The following ABCC10 variants were observed in gnomAD, a reference collection of about 807,000 sequenced individuals.
ABCC10 encodes ATP-binding cassette sub-family C member 10.
Under a neutral mutation model 143.2 loss-of-function variants are expected in ABCC10, and 110 were observed. That is an observed-to-expected ratio of 0.77 (90% CI 0.66 to 0.90). The LOEUF is 0.90. Among genes scored for constraint, ABCC10 ranks in the 40% least tolerant of loss-of-function variants. ABCC10 has a pLI of 0.00. For missense variants in ABCC10, 1,700 were observed against 1,900.5 expected (o/e 0.89, Z 1.96); for synonymous variants, 805 against 846.7 (o/e 0.95, Z 0.85).
rs774199476 is a variant in ABCC10 at position 43,444,157 on chromosome 6, A to G, written c.2495-2A>G. The G allele has an allele frequency of 3.1e-6, 5 of 1,611,374 alleles. No individual in the cohort carries two copies. The South Asian group carries it at 4.4e-5, about 14-fold the overall frequency. ...TTCTTCCATGACCCCTGATTCTCAC[A>G]GCCACAGCCCAGTCAGTACAGAACC... On this transcript the variant is annotated splice_acceptor_variant, in intron 11 of 21. Coordinates refer to ENST00000372530, the MANE Select transcript of ABCC10 (RefSeq NM_001198934.2). LOFTEE classifies it high-confidence loss of function.
In ABCC10 at chr6:43,447,707, G is replaced by A. The variant is rs1783258650; in HGVS notation, c.3729G>A (p.Gln1243=). 1 of 1,613,928 alleles carries A rather than the reference G, an allele frequency of 6.2e-7. No individual in the cohort carries two copies. The highest frequency in any genetic ancestry group is 1.7e-5 in the Admixed American group (1 of 60,004). The change falls in exon 18 of 22, where the codon CAG becomes CAA. Residue 1243 remains glutamine (Q), a synonymous_variant. Transcript: ENST00000372530. ...AGCTGGGCACCGGCTGGCTGACCCAGGGGGGCGTGGAGTTCCAGGACGTGG... is the reference window on the plus strand; with the variant it reads ...AGCTGGGCACCGGCTGGCTGACCCAAGGGGGCGTGGAGTTCCAGGACGTGG... The part of the protein sequence containing the change: ...PLQLGTGWLT[Q]GGVEFQDVVL...
Position 43,445,793 on chromosome 6 carries a change from C to T in ABCC10, c.3225C>T (p.Ser1075=). The change falls in exon 15 of 22, where the codon AGC becomes AGT. Residue 1075 remains serine (S), a synonymous_variant. Coordinates refer to ENST00000372530, the MANE Select transcript of ABCC10 (RefSeq NM_001198934.2). Reference sequence around the variant, plus strand: ...TGCTGCTCCTGCTGCCGCCTTTGAGCATCATGTACTATCACGTGCAGCGCC... The same window carrying T: ...TGCTGCTCCTGCTGCCGCCTTTGAGTATCATGTACTATCACGTGCAGCGCC... ...PWLLLLLPPL[S]IMYYHVQRHY... is the part of the protein sequence containing the mutation. 6.2e-7 allele frequency: 1 copy of T among 1,614,124 alleles called. No individual in the cohort carries two copies. Among genetic ancestry groups the T allele is most frequent in the Non-Finnish European group, 8.5e-7 (1 of 1,180,034 alleles).
At chr6:43,434,918 CT>C (rs1781524032) in intron 4 of ABCC10, 70 bp downstream of exon 4, 1 of 1,508,810 alleles carries the variant, frequency 6.6e-7, no homozygotes, top group African/African-American at 1.4e-5. Flanking sequence ...GGCTTGGGCC[CT>C]CAGTGCTGGC....
chr6:43,434,873 C>G (rs1781513709), intron 4 of ABCC10, 25 bp downstream of exon 4: 1 of 1,606,120 alleles, frequency 6.2e-7, no homozygotes, highest in Non-Finnish European at 8.5e-7. Context: ...GGAAGGGGAC[C>G]AGCATCAAGG....
chr6:43,444,637 A>AG, intron 12 of ABCC10, 151 bp from the exon 13 acceptor site: 1 of 1,155,876 alleles, frequency 8.7e-7, no homozygotes, highest in Non-Finnish European at 1.2e-6. Context: ...CACACTAGGG[A>AG]GGATATGGGG....
chr6:43,448,933 C>A lies in ABCC10; in HGVS notation c.4012C>A (p.Arg1338=), dbSNP rs199697720. ...QEPFLFSGTV[R]ENLDPQGLHK... is the part of the protein sequence containing the mutation. ...GCCCTTTTTGTTCAGTGGGACTGTT[C>A]GGGAAAACCTGGACCCCCAGGGCCT... is the stretch of plus-strand genomic sequence containing the variant. Residue 1338 remains arginine (R), a synonymous_variant, in exon 19 of 22, where the codon CGG becomes AGG. Coordinates refer to ENST00000372530, the MANE Select transcript of ABCC10 (RefSeq NM_001198934.2). 4.3e-6 allele frequency: 7 copies of A among 1,614,142 alleles called. No individual in the cohort carries two copies. Among genetic ancestry groups the A allele is most frequent in the Non-Finnish European group, 5.9e-6 (7 of 1,179,998 alleles).
chr6:43,435,540 A>G (rs973272610), intron 4 of ABCC10, among the ~76,000 whole-genome samples: 8 of 152,096 alleles, frequency 5.3e-5, no homozygotes, highest in Non-Finnish European at 1.2e-4. Context: ...AAGAAAAAAA[A>G]AAATGCAACC....
At position 43,444,772 on chromosome 6, in the gene ABCC10, T is replaced by C; in HGVS notation, c.2690-16T>C. The stretch of plus-strand genomic sequence containing the variant: ...GAGGAGCCTCTTACAGCTTTTTCCT[T>C]CCTGTCCCCACCCAGCCACGCGGAA... On this transcript the variant is annotated splice_polypyrimidine_tract_variant and intron_variant, in intron 12 of 21. Coordinates refer to ENST00000372530, the MANE Select transcript of ABCC10 (RefSeq NM_001198934.2). 6.4e-7 allele frequency: 1 copy of C among 1,571,600 alleles called. No individual in the cohort carries two copies. The highest frequency in any genetic ancestry group is 8.6e-7 in the Non-Finnish European group (1 of 1,160,978).
intron 16 of ABCC10, 43 bp from the exon 17 acceptor site, chr6:43,447,205 C>T (rs115161339): frequency 5.6e-6 from 9 of 1,594,262 alleles, no homozygotes; most frequent in African/African-American, 5.4e-5. Flanking sequence ...ACAAACGTCC[C>T]GGTGTCCAAG....
downstream of ABCC10, chr6:43,451,909 C>G (rs1240237968): frequency 6.2e-7 from 1 of 1,612,814 alleles, no homozygotes; most frequent in South Asian, 1.1e-5. This position sits in a 1 kb window ranked among gnomAD's most constrained non-coding sequence, Gnocchi z 4.4. Flanking sequence ...CTGGTCTAAC[C>G]TTCCACTCAC....
chr6:43,435,815 TCAATGGTCTCCTGGAGG>T lies in ABCC10; in HGVS notation c.1675_1691del (p.Asn559GlnfsTer127). Reference sequence around the variant, plus strand: ...CCTCTCAACAACTTCCCTTGGGTGATCAATGGTCTCCTGGAGGCCAAAGTGTCCTTGGACCGGATCCA... The same window carrying T: ...CCTCTCAACAACTTCCCTTGGGTGATCCAAAGTGTCCTTGGACCGGATCCA... On this transcript the variant is annotated frameshift_variant, in exon 5 of 22. Coordinates refer to ENST00000372530, the MANE Select transcript of ABCC10 (RefSeq NM_001198934.2). LOFTEE classifies it high-confidence loss of function. 1 of 1,614,170 alleles carries T rather than the reference TCAATGGTCTCCTGGAGG, an allele frequency of 6.2e-7. No individual in the cohort carries two copies. Among genetic ancestry groups the T allele is most frequent in the Non-Finnish European group, 8.5e-7 (1 of 1,180,026 alleles).
rs761413597 is a variant in ABCC10 at position 43,445,589 on chromosome 6, C to G, written c.3031-10C>G. On this transcript the variant is annotated splice_polypyrimidine_tract_variant and intron_variant, in intron 14 of 21. Transcript: ENST00000372530. ...ACTCTGCCCTGGCCCAATCAGCGTC[C>G]TTCTCCCAGGCACCAGTGACTTTCT... is the stretch of plus-strand genomic sequence containing the variant. The G allele has an allele frequency of 6.2e-7, 1 of 1,607,194 alleles. No homozygotes were observed. The highest frequency in any genetic ancestry group is 1.3e-5 in the African/African-American group (1 of 74,914).
chr6:43,447,424 C>A lies in ABCC10; in HGVS notation c.3705+16C>A, dbSNP rs200400219. On this transcript the variant is annotated intron_variant, in intron 17 of 21. Coordinates refer to ENST00000372530, the MANE Select transcript of ABCC10 (RefSeq NM_001198934.2). ...GCCACTGCAGGTGGGCCTGTACCCC[C>A]ACCCCAGGCCAAAGCTCTGGAACCC... 2.5e-6 allele frequency: 4 copies of A among 1,610,286 alleles called. No individual in the cohort carries two copies. Among genetic ancestry groups the A allele is most frequent in the Non-Finnish European group, 2.5e-6 (3 of 1,178,748 alleles).
chr6:43,444,155 A>G lies in ABCC10; in HGVS notation c.2495-4A>G, dbSNP rs763003138. The G allele has an allele frequency of 1.2e-6, 2 of 1,611,344 alleles. No individual in the cohort carries two copies. Among genetic ancestry groups the G allele is most frequent in the Admixed American group, 3.3e-5 (2 of 59,850 alleles). On this transcript the variant is annotated splice_polypyrimidine_tract_variant and splice_region_variant and intron_variant, in intron 11 of 21. Transcript: ENST00000372530. ...AATTCTTCCATGACCCCTGATTCTC[A>G]CAGCCACAGCCCAGTCAGTACAGAA...
chr6:43,450,236 T>A lies in ABCC10; in HGVS notation c.*145T>A. The stretch of plus-strand genomic sequence containing the variant: ...AAGGGAAAAGGGCACCCTGGATTAC[T>A]CTTTGGAAATCACTCCTTGGTGGGC... On this transcript the variant is annotated 3_prime_UTR_variant, in exon 22 of 22. Transcript: ENST00000372530. This position sits in a 1 kb window ranked among gnomAD's most constrained non-coding sequence, Gnocchi z 4.5. 1 of 1,046,120 alleles carries A rather than the reference T, an allele frequency of 9.6e-7. No individual in the cohort carries two copies. The highest frequency in any genetic ancestry group is 1.4e-6 in the Non-Finnish European group (1 of 737,370). 64.8% of individuals were successfully genotyped at this position (1,046,120 alleles called of 1,614,324 possible).
At position 43,444,400 on chromosome 6, in the gene ABCC10, C is replaced by T. The variant is rs754049859; in HGVS notation, c.2689+47C>T. On this transcript the variant is annotated intron_variant, in intron 12 of 21. Transcript: ENST00000372530. ...TCTTACATCGTAACGGCTGTGCTGT[C>T]TAGGTGCCCATTACCTTGCACTAAT... The T allele has an allele frequency of 1.2e-5, 18 of 1,542,828 alleles. No individual in the cohort carries two copies. The South Asian group carries it at 2.1e-4, about 18-fold the overall frequency.
intron 20 of ABCC10, 27 bp downstream of exon 20, chr6:43,449,231 G>A (rs1162170712): frequency 6.2e-7 from 1 of 1,610,818 alleles, no homozygotes; most frequent in East Asian, 2.2e-5. Context: ...AGACATTAGA[G>A]AGGGCCAGGA....
intron 9 of ABCC10, among the ~76,000 whole-genome samples, chr6:43,442,339 G>C (rs1305268630): frequency 6.6e-6 from 1 of 152,104 alleles, no homozygotes; most frequent in Non-Finnish European, 1.5e-5. Flanking sequence ...AGGCCGAGGA[G>C]GGTGGATCAC....
intron 4 of ABCC10, 62 bp downstream of exon 4, chr6:43,434,910 C>T (rs1029491160): frequency 3.0e-5 from 46 of 1,536,838 alleles, no homozygotes; most frequent in Non-Finnish European, 4.0e-5. Context: ...AAGACAGAGG[C>T]TTGGGCCCTC....
Sources: allele counts gnomAD v4.1 joint callset (sites outside exome capture counted in the v4.1 genomes callset), GRCh38; gene constraint gnomAD v4.1.1; non-coding constraint Gnocchi (gnomAD v3.1); transcripts MANE v1.5; gene names NCBI Gene and HGNC (gene_info 2026-07-23, HGNC 2026-07-21).